Variants in ADAMTS6 observed in about 807,000 individuals in gnomAD.
The protein encoded by ADAMTS6 is A disintegrin and metalloproteinase with thrombospondin motifs 6.
A neutral mutation model predicts 144.3 loss-of-function variants in ADAMTS6; 23 were observed. The observed-to-expected ratio is 0.16, with a 90% CI of 0.11 to 0.23. The LOEUF (loss-of-function observed/expected upper bound fraction) is 0.23, where lower values mean the gene tolerates loss of function less well. Among genes scored for constraint, ADAMTS6 ranks in the 10% least tolerant of loss-of-function variants. The pLI, the probability that ADAMTS6 is intolerant of heterozygous loss-of-function variation, is 1.00. For missense variants in ADAMTS6, 999 were observed against 1,379.6 expected (o/e 0.72, Z 4.37); for synonymous variants, 444 against 457.5 (o/e 0.97, Z 0.38).
chr5:65,294,120 C>T (rs758705185), intron 10 of ADAMTS6, among the ~76,000 whole-genome samples: 15 of 152,310 alleles, frequency 9.8e-5, no homozygotes, highest in Non-Finnish European at 1.3e-4. Context: ...TACACGTTTA[C>T]TACATGTGTA....
At chr5:65,451,712 G>T (rs997220459) in intron 6 of ADAMTS6, 92 bp from the exon 7 acceptor site, 8 of 1,446,432 alleles carry the variant, frequency 5.5e-6, no homozygotes, top group Non-Finnish European at 6.6e-6. Context: ...ACTATAATTA[G>T]AAGCAGTGTT....
intron 18 of ADAMTS6, among the ~76,000 whole-genome samples, chr5:65,223,764 A>G (rs1757501498): frequency 6.6e-6 from 1 of 151,694 alleles, no homozygotes; most frequent in South Asian, 2.1e-4. Context: ...TAATGCTGCA[A>G]TGATCATGTG....
intron 20 of ADAMTS6, among the ~76,000 whole-genome samples, chr5:65,202,151 A>G (rs1218539512): frequency 1.3e-5 from 2 of 152,158 alleles, no homozygotes; most frequent in Non-Finnish European, 2.9e-5. Context: ...GCCTCCTGCT[A>G]GTTTTTATCT....
Position 65,470,986 on chromosome 5 carries a change from A to G in ADAMTS6, c.254T>C (p.Leu85Ser). The change falls in exon 3 of 25, where the codon TTA becomes TCA. Residue 85 changes from leucine (L) to serine (S), a missense_variant. Leu to Ser is a moderately radical substitution (Grantham distance 145, BLOSUM62 -2). This residue lies in a region of ADAMTS6 where 252 missense variants were observed against 293.7 expected (regional missense o/e 0.86). Coordinates refer to ENST00000381055, the MANE Select transcript of ADAMTS6 (RefSeq NM_197941.4). Reference sequence around the variant, plus strand: ...GCCATAGGCTGAAAGTTTAAAAAATAACTTAGATACTGCCTGCTGTGGATC... The same window carrying G: ...GCCATAGGCTGAAAGTTTAAAAAATGACTTAGATACTGCCTGCTGTGGATC... ...PIDPQQAVSK[L>S]FFKLSAYGKH... 1 of 1,613,102 alleles carries G rather than the reference A, an allele frequency of 6.2e-7. No homozygotes were observed. The highest frequency in any genetic ancestry group is 8.5e-7 in the Non-Finnish European group (1 of 1,179,632).
At chr5:65,361,835 G>A (rs1002028095) in intron 7 of ADAMTS6, among the ~76,000 whole-genome samples, 2 of 151,982 alleles carry the variant, frequency 1.3e-5, no homozygotes, top group Admixed American at 6.6e-5. Flanking sequence ...ACAGGCTCAG[G>A]CCATCCTTCC....
At chr5:65,255,133 G>A (rs1760535385) in intron 14 of ADAMTS6, among the ~76,000 whole-genome samples, 3 of 152,190 alleles carry the variant, frequency 2.0e-5, no homozygotes, top group African/African-American at 2.4e-5. Flanking sequence ...CAGGAGGGGT[G>A]ACCCTAACCC....
At chr5:65,459,373 T>C (rs1759476576) in intron 4 of ADAMTS6, among the ~76,000 whole-genome samples, 1 of 152,182 alleles carries the variant, frequency 6.6e-6, no homozygotes, top group South Asian at 2.1e-4. Context: ...CCCCTTAACA[T>C]GGTTTATAAG....
intron 1 of ADAMTS6, among the ~76,000 whole-genome samples, chr5:65,474,829 A>G (rs910582224): frequency 5.9e-5 from 9 of 151,288 alleles, no homozygotes; most frequent in Non-Finnish European, 8.9e-5. Flanking sequence ...ATAAAAAACG[A>G]AAATGTAGTT....
At chr5:65,371,880 A>G (rs144808682) in intron 7 of ADAMTS6, among the ~76,000 whole-genome samples, 20,827 of 151,932 alleles carry the variant, frequency 0.14, 1,590 homozygotes, top group African/African-American at 0.2. Flanking sequence ...GAGAAAGGTC[A>G]GGTTACCCTC....
chr5:65,266,783 C>T (rs1035657991), intron 12 of ADAMTS6, among the ~76,000 whole-genome samples: 1 of 151,892 alleles, frequency 6.6e-6, no homozygotes, highest in Non-Finnish European at 1.5e-5. Flanking sequence ...CAGAAGTGTT[C>T]GTGTTTTGTT....
chr5:65,284,683 G>GT (rs1268708944), intron 11 of ADAMTS6, among the ~76,000 whole-genome samples: 5 of 152,034 alleles, frequency 3.3e-5, no homozygotes, highest in African/African-American at 1.2e-4. Context: ...TCTAATTGAG[G>GT]TAAGTAGAAG....
At chr5:65,237,414 C>T (rs1013173653) in intron 15 of ADAMTS6, among the ~76,000 whole-genome samples, 13 of 62,092 alleles carry the variant, frequency 2.1e-4, no homozygotes, top group African/African-American at 1.0e-3. Flanking sequence ...AAGAAAACTC[C>T]ACAAGAAAAT....
At chr5:65,452,034 T>C in intron 6 of ADAMTS6, 99 bp downstream of exon 6, 2 of 980,348 alleles carry the variant, frequency 2.0e-6, no homozygotes, top group South Asian at 2.4e-5. Context: ...AATTTCCTAA[T>C]AGAAGCAATA....
intron 7 of ADAMTS6, among the ~76,000 whole-genome samples, chr5:65,445,824 T>C (rs1265786336): frequency 1.3e-5 from 2 of 152,066 alleles, no homozygotes; most frequent in Non-Finnish European, 2.9e-5. Context: ...GGTGGGTAGA[T>C]AATAGTGGGC....
At chr5:65,374,288 A>G (rs371066496) in intron 7 of ADAMTS6, among the ~76,000 whole-genome samples, 3 of 151,742 alleles carry the variant, frequency 2.0e-5, no homozygotes, top group African/African-American at 7.3e-5. Flanking sequence ...GAAATAAAGG[A>G]TATTCAATTA....
intron 9 of ADAMTS6, among the ~76,000 whole-genome samples, chr5:65,319,892 G>A (rs1371752737): frequency 1.3e-5 from 2 of 152,216 alleles, no homozygotes; most frequent in Non-Finnish European, 2.9e-5. Context: ...TGCCCAGGCT[G>A]GAGTGCAATG....
intron 22 of ADAMTS6, among the ~76,000 whole-genome samples, chr5:65,185,280 G>T (rs1374475916): frequency 2.0e-5 from 3 of 152,162 alleles, no homozygotes. Context: ...GGTAAACTAA[G>T]GTAATGGAAG....
chr5:65,347,098 T>C (rs2150083612), intron 7 of ADAMTS6, among the ~76,000 whole-genome samples: 1 of 151,994 alleles, frequency 6.6e-6, no homozygotes, highest in Non-Finnish European at 1.5e-5. Context: ...AAAATCAATA[T>C]TGGCAGAGAG....
chr5:65,398,685 C>T (rs1251565719), intron 7 of ADAMTS6, among the ~76,000 whole-genome samples: 1 of 150,760 alleles, frequency 6.6e-6, no homozygotes, highest in Non-Finnish European at 1.5e-5. Context: ...GCACTCCAGT[C>T]TGGATGACAG....
Sources: gnomAD v4.1 joint callset for allele counts (sites outside exome capture counted in the v4.1 genomes callset) on GRCh38, gnomAD v4.1.1 for gene constraint, gnomAD v4.1.1 regional missense constraint, MANE v1.5 for transcripts, NCBI Gene and HGNC (gene_info 2026-07-23, HGNC 2026-07-21) for gene names.